Variants in CSF1R observed in about 807,000 individuals in gnomAD.
CSF1R encodes the protein colony stimulating factor 1 receptor.
Under a neutral mutation model 110.0 loss-of-function variants are expected in CSF1R, and 40 were observed. The ratio of observed to expected loss-of-function variants is 0.36; its 90% CI spans 0.28 to 0.47. The LOEUF (loss-of-function observed/expected upper bound fraction) is 0.47, where lower values mean the gene tolerates loss of function less well. Among genes scored for constraint, CSF1R ranks in the 20% least tolerant of loss-of-function variants. The pLI, the probability that CSF1R is intolerant of heterozygous loss-of-function variation, is 0.99. For missense variants in CSF1R, 1,052 were observed against 1,253.0 expected (o/e 0.84, Z 2.42); for synonymous variants, 523 against 503.4 (o/e 1.04, Z -0.52).
intron 4 of CSF1R, 32 bp downstream of exon 4, chr5:150,078,080 C>A (rs1362133289): frequency 6.2e-7 from 1 of 1,612,320 alleles, no homozygotes; most frequent in Non-Finnish European, 8.5e-7. Flanking sequence ...GGAGGATGGC[C>A]AGACTTCACC....
At chr5:150,060,184 G>A (rs190553681) in intron 13 of CSF1R, among the ~76,000 whole-genome samples, 25 of 151,946 alleles carry the variant, frequency 1.6e-4, no homozygotes, top group Middle Eastern at 3.4e-3. Context: ...AAAATCAGCC[G>A]GGCATGGTGG....
intron 3 of CSF1R, among the ~76,000 whole-genome samples, chr5:150,079,598 C>CCT (rs1758431045): frequency 6.6e-6 from 1 of 152,230 alleles, no homozygotes; most frequent in African/African-American, 2.4e-5. Context: ...GCTGAGCTTC[C>CCT]GTCCTCTTTC....
intron 5 of CSF1R, among the ~76,000 whole-genome samples, chr5:150,074,896 C>T (rs1223140060): frequency 1.3e-5 from 2 of 152,290 alleles, no homozygotes; most frequent in East Asian, 3.9e-4. Flanking sequence ...TCCCTGAACA[C>T]ACCATAGTCA....
chr5:150,065,333 G>A (rs550334980), intron 10 of CSF1R, among the ~76,000 whole-genome samples: 3 of 152,254 alleles, frequency 2.0e-5, no homozygotes, highest in South Asian at 2.1e-4. Flanking sequence ...CCCCAGAATC[G>A]TAGTCTTTCC....
At position 150,070,261 on chromosome 5, in the gene CSF1R, A is replaced by G. The variant is rs766613030; in HGVS notation, c.1240T>C (p.Ser414Pro). 1 of 1,614,100 alleles carries G rather than the reference A, an allele frequency of 6.2e-7. No individual in the cohort carries two copies. Among genetic ancestry groups the G allele is most frequent in the East Asian group, 2.2e-5 (1 of 44,870 alleles). ...GAGGCAGCACACAAAAGGGTGCCAGAGCCGTTGATGAATGTCCATATGACG... is the reference window on the plus strand; with the variant it reads ...GAGGCAGCACACAAAAGGGTGCCAGGGCCGTTGATGAATGTCCATATGACG... Reference protein sequence around the residue: ...VSVIWTFINGSGTLLCAASGY... With the variant: ...VSVIWTFINGPGTLLCAASGY... Residue 414 changes from serine (S) to proline (P), a missense_variant, in exon 8 of 21, where the codon TCT becomes CCT. Ser to Pro is a moderately conservative substitution (Grantham distance 74, BLOSUM62 -1). Around this residue, in one of 5 missense-constraint regions of CSF1R, gnomAD observed 693 missense variants for 735.4 expected, o/e 0.94. Coordinates refer to ENST00000675795, the MANE Select transcript of CSF1R (RefSeq NM_001288705.3).
chr5:150,077,938 T>C, intron 4 of CSF1R, among the ~76,000 whole-genome samples, 174 bp downstream of exon 4: 1 of 150,894 alleles, frequency 6.6e-6, no homozygotes, highest in Non-Finnish European at 1.5e-5. Context: ...TGATTCTGTG[T>C]CAGCTACTGA....
At chr5:150,070,143 CCT>C (rs1342211332) in intron 8 of CSF1R, 37 bp downstream of exon 8, 6 of 1,610,338 alleles carry the variant, frequency 3.7e-6, no homozygotes, top group Non-Finnish European at 5.1e-6. Flanking sequence ...GTGCCCAGCC[CCT>C]GAGCCCAGGT....
At position 150,099,430 on chromosome 5, in the gene CSF1R, A is replaced by C. The variant is rs1759330553; in HGVS notation, c.-180-12823T>G. ...ATGTTCACAAAAGGCCCTCTAAGCA[A>C]ATGTTTTAGTGGCTTTATTTGTAAT... On this transcript the variant is annotated intron_variant, in intron 1 of 21. Transcript: ENST00000286301. Among the ~76,000 whole-genome samples the C allele has an allele frequency of 2.0e-5, 3 of 152,320 alleles. No individual in the cohort carries two copies. In the South Asian group the frequency reaches 6.2e-4, roughly 32 times the overall value.
chr5:150,075,968 G>A (rs914042386), intron 5 of CSF1R, among the ~76,000 whole-genome samples: 7 of 152,124 alleles, frequency 4.6e-5, no homozygotes, highest in East Asian at 1.9e-4. Context: ...CATGCTCCTC[G>A]CCACCTCCAT....
rs752524761 is a variant in CSF1R at position 150,068,283 on chromosome 5, C to T, written c.1558G>A (p.Val520Ile). 2 of 1,613,040 alleles carry T rather than the reference C, an allele frequency of 1.2e-6. No homozygotes were observed. Among genetic ancestry groups the T allele is most frequent in the South Asian group, 2.2e-5 (2 of 91,066 alleles). ...PDEFLFTPVV[V>I]ACMSIMALLL... ...AAGGCCATGATGGACATGCAGGCGACCACCACTGGTGTGAAGAGGAACTCA... is the reference window on the plus strand; with the variant it reads ...AAGGCCATGATGGACATGCAGGCGATCACCACTGGTGTGAAGAGGAACTCA... Residue 520 changes from valine (V) to isoleucine (I), a missense_variant, in exon 10 of 21, where the codon GTC becomes ATC. Transcript: ENST00000675795.
chr5:150,063,026 T>A (rs1446333501), intron 10 of CSF1R, among the ~76,000 whole-genome samples: 2 of 144,736 alleles, frequency 1.4e-5, no homozygotes, highest in African/African-American at 2.5e-5. Flanking sequence ...CCTTTTGGGA[T>A]TTTTTTTTTT....
At chr5:150,060,692 A>T (rs1757468227) in intron 13 of CSF1R, among the ~76,000 whole-genome samples, 170 bp downstream of exon 13, 1 of 152,108 alleles carries the variant, frequency 6.6e-6, no homozygotes, top group East Asian at 1.9e-4. Flanking sequence ...GCAGCTCCTG[A>T]CTATTCCAGG....
In CSF1R at chr5:150,055,253, A is replaced by G. The variant is rs1757152216; in HGVS notation, c.2638T>C (p.Phe880Leu). The part of the protein sequence containing the change: ...KDGYQMAQPA[F>L]APKNIYSIMQ... ...TTCGCTTACATATTCTTTGGGGCAA[A>G]TGCAGGCTGGGCCATTTGGTATCCA... is the stretch of plus-strand genomic sequence containing the variant. The change falls in exon 19 of 21, where the codon TTT (phenylalanine) becomes CTT (leucine). Residue 880 changes from phenylalanine (F) to leucine (L), a missense_variant. By Grantham distance (22) the Phe-to-Leu change is conservative. Transcript: ENST00000675795. 3 of 1,613,996 alleles carry G rather than the reference A, an allele frequency of 1.9e-6. No individual in the cohort carries two copies. The highest frequency in any genetic ancestry group is 2.2e-5 in the East Asian group (1 of 44,890).
chr5:150,054,859 G>A (rs1757126903), intron 19 of CSF1R: 1 of 246,418 alleles, frequency 4.1e-6, no homozygotes, highest in Non-Finnish European at 7.8e-6. Context: ...GCTTGGTGGT[G>A]CACACCTGTA....
chr5:150,056,123 C>T lies in CSF1R; in HGVS notation c.2457G>A (p.Val819=), dbSNP rs1581279727. 6.2e-7 allele frequency: 1 copy of T among 1,614,156 alleles called. No homozygotes were observed. The highest frequency in any genetic ancestry group is 1.3e-5 in the African/African-American group (1 of 74,954). The change falls in exon 18 of 21, where the codon GTG becomes GTA. Residue 819 remains valine, a synonymous_variant. Coordinates refer to ENST00000675795, the MANE Select transcript of CSF1R (RefSeq NM_001288705.3). ...YIVKGNARLP[V]KWMAPESIFD... ...AGATGCTCTCTGGGGCCATCCACTT[C>T]ACAGGCAGGCGGGCCTGGGATGACA...
intron 10 of CSF1R, chr5:150,067,199 GGT>G (rs1491428975): frequency 1.5e-5 from 2 of 136,474 alleles, no homozygotes; most frequent in Admixed American, 1.5e-4. Context: ...AGCCCCTTGG[GGT>G]TTTTTTTTTT....
chr5:150,078,974 C>T (rs145565946), intron 3 of CSF1R, among the ~76,000 whole-genome samples: 3 of 152,330 alleles, frequency 2.0e-5, no homozygotes, highest in East Asian at 1.9e-4. Context: ...AGACTCTAGT[C>T]GAATGTCAAA....
intron 1 of CSF1R, among the ~76,000 whole-genome samples, chr5:150,107,022 C>A (rs1187208023): frequency 2.0e-5 from 3 of 152,152 alleles, no homozygotes; most frequent in African/African-American, 4.8e-5. Context: ...CTTCTTTATA[C>A]CCTCTACACC....
intron 6 of CSF1R, 28 bp downstream of exon 6, chr5:150,073,273 T>A: frequency 1.3e-6 from 2 of 1,593,120 alleles, no homozygotes; most frequent in Non-Finnish European, 1.7e-6. Context: ...GTTGTCGGGC[T>A]GTGTAGACGG....
Sources: allele counts gnomAD v4.1 joint callset (sites outside exome capture counted in the v4.1 genomes callset), GRCh38; gene constraint gnomAD v4.1.1; regional missense constraint gnomAD v4.1.1; transcripts MANE v1.5; gene names NCBI Gene and HGNC (gene_info 2026-07-23, HGNC 2026-07-21).